The following TMEM132D variants were observed in gnomAD, a reference collection of about 807,000 sequenced individuals.
TMEM132D encodes transmembrane protein 132D, also known as mature OL transmembrane protein.
TMEM132D carries 21 observed loss-of-function variants against 62.3 expected under a neutral mutation model. The observed-to-expected ratio is 0.34, with a 90% CI of 0.24 to 0.49. TMEM132D has a LOEUF of 0.49. Among genes scored for constraint, TMEM132D ranks in the 20% least tolerant of loss-of-function variants. TMEM132D has a pLI of 0.99. For synonymous variants in TMEM132D, 621 were observed against 575.6 expected (o/e 1.08, Z -1.13); for missense variants, 1,346 against 1,402.8 (o/e 0.96, Z 0.65).
intron 1 of TMEM132D, among the ~76,000 whole-genome samples, chr12:129,850,264 G>C (rs1414355821): frequency 1.3e-5 from 2 of 152,100 alleles, no homozygotes; most frequent in African/African-American, 4.8e-5. Context: ...AAGGAGCTAG[G>C]GGAGTTCTTC....
chr12:129,491,953 A>AAAAAT (rs879262670), intron 3 of TMEM132D, among the ~76,000 whole-genome samples: 4 of 151,562 alleles, frequency 2.6e-5, no homozygotes, highest in African/African-American at 9.7e-5. Context: ...AAAAAAAAAA[A>AAAAAT]TTGCTTATTG....
intron 5 of TMEM132D, among the ~76,000 whole-genome samples, chr12:129,094,990 C>G (rs1875052832): frequency 7.2e-6 from 1 of 138,498 alleles, no homozygotes; most frequent in Non-Finnish European, 1.5e-5. Flanking sequence ...AATGAGAACA[C>G]ATGGACACAG....
chr12:129,760,333 T>TC (rs970968543), intron 1 of TMEM132D, among the ~76,000 whole-genome samples: 1 of 22,500 alleles, frequency 4.4e-5, no homozygotes, highest in African/African-American at 7.6e-5. Flanking sequence ...CTTTTTTTTT[T>TC]TTTTTTTTTT....
At chr12:129,408,754 G>C (rs927981150) in intron 3 of TMEM132D, among the ~76,000 whole-genome samples, 1 of 152,078 alleles carries the variant, frequency 6.6e-6, no homozygotes, top group African/African-American at 2.4e-5. Context: ...ATCTGTGTTT[G>C]CATATACACT....
intron 2 of TMEM132D, among the ~76,000 whole-genome samples, chr12:129,666,389 A>G (rs1224977189): frequency 9.0e-6 from 1 of 110,794 alleles, no homozygotes; most frequent in Admixed American, 1.1e-4. Context: ...TAAATCAAGT[A>G]TTTTGTCAGA....
intron 2 of TMEM132D, among the ~76,000 whole-genome samples, chr12:129,565,512 CA>C (rs1340320772): frequency 1.3e-5 from 2 of 152,310 alleles, no homozygotes; most frequent in Middle Eastern, 6.8e-3. Context: ...GAGGCAGGTG[CA>C]AGCCCCTCTT....
intron 4 of TMEM132D, among the ~76,000 whole-genome samples, chr12:129,257,924 C>T (rs1461335612): frequency 6.6e-6 from 1 of 152,172 alleles, no homozygotes; most frequent in Non-Finnish European, 1.5e-5. Flanking sequence ...CCGGACAGTA[C>T]CACTGCATGT....
chr12:129,349,766 T>C (rs1869808015), intron 3 of TMEM132D, among the ~76,000 whole-genome samples: 1 of 152,242 alleles, frequency 6.6e-6, no homozygotes, highest in Admixed American at 6.5e-5. Context: ...ATCAAGGCTT[T>C]TCCTATCCGG....
intron 1 of TMEM132D, among the ~76,000 whole-genome samples, chr12:129,706,526 A>G (rs554795099): frequency 6.6e-6 from 1 of 152,140 alleles, no homozygotes; most frequent in African/African-American, 2.4e-5. Flanking sequence ...AGAAATTGAT[A>G]GTAACTAAAA....
At chr12:129,539,866 G>A (rs1424654013) in intron 2 of TMEM132D, among the ~76,000 whole-genome samples, 2 of 152,100 alleles carry the variant, frequency 1.3e-5, no homozygotes, top group Non-Finnish European at 2.9e-5. Context: ...CCAGAAACGG[G>A]CTAGCCACCT....
intron 5 of TMEM132D, among the ~76,000 whole-genome samples, chr12:129,086,201 C>CGCGCGCGT (rs1349816832): frequency 3.5e-5 from 5 of 141,134 alleles, no homozygotes; most frequent in African/African-American, 1.4e-4. Flanking sequence ...CACGCGCGCG[C>CGCGCGCGT]GTGTGTGTGT....
chr12:129,724,625 C>T (rs1360204888), intron 1 of TMEM132D, among the ~76,000 whole-genome samples: 1 of 152,132 alleles, frequency 6.6e-6, no homozygotes, highest in African/African-American at 2.4e-5. Context: ...CTGGTTCGAG[C>T]GATTCTCCTG....
intron 1 of TMEM132D, among the ~76,000 whole-genome samples, chr12:129,703,839 T>C (rs1357353204): frequency 6.6e-6 from 1 of 151,040 alleles, no homozygotes; most frequent in Non-Finnish European, 1.5e-5. Context: ...TTAAAAAATA[T>C]GGGAGGAAGG....
chr12:129,497,360 TG>T (rs1177130181), intron 3 of TMEM132D, among the ~76,000 whole-genome samples: 8 of 152,124 alleles, frequency 5.3e-5, no homozygotes, highest in African/African-American at 1.9e-4. Context: ...TGTATTCCTC[TG>T]AATTCCTTTG....
At chr12:129,348,058 G>A (rs1214050494) in intron 3 of TMEM132D, among the ~76,000 whole-genome samples, 2 of 152,144 alleles carry the variant, frequency 1.3e-5, no homozygotes, top group Non-Finnish European at 2.9e-5. Flanking sequence ...GGAAACAACA[G>A]GTGCTGGAGA....
intron 1 of TMEM132D, among the ~76,000 whole-genome samples, chr12:129,780,606 G>A (rs1321865277): frequency 6.6e-6 from 1 of 152,066 alleles, no homozygotes; most frequent in Non-Finnish European, 1.5e-5. Flanking sequence ...GCCTGGCTTT[G>A]AGGGCACTTG....
At chr12:129,834,718 C>T (rs1004833938) in intron 1 of TMEM132D, among the ~76,000 whole-genome samples, 6 of 152,160 alleles carry the variant, frequency 3.9e-5, no homozygotes, top group African/African-American at 7.2e-5. Flanking sequence ...ACAAATGGAA[C>T]CCCGTCCACA....
rs143518927 is a variant in TMEM132D at position 129,439,712 on chromosome 12, G to A, written c.1115+91347C>T. Among the ~76,000 whole-genome samples, 651 of 152,328 alleles carry A rather than the reference G, an allele frequency of 4.3e-3. 10 individuals carry two copies. Among genetic ancestry groups the A allele is most frequent in the African/African-American group, 0.015 (621 of 41,572 alleles). ...GATCCACCTGCCTCGGCCTCCCAAA[G>A]TGCTGGGATTACTACAGGCGTGAGC... On this transcript the variant is annotated intron_variant, in intron 3 of 8. Coordinates refer to ENST00000422113, the MANE Select transcript of TMEM132D (RefSeq NM_133448.3).
intron 7 of TMEM132D, among the ~76,000 whole-genome samples, chr12:129,080,917 CCAG>C (rs779245377): frequency 2.0e-5 from 3 of 152,116 alleles, no homozygotes; most frequent in Admixed American, 6.5e-5. Context: ...CACCCGCTCC[CCAG>C]CAGAAGGGGC....
Sources: gnomAD v4.1 joint callset for allele counts (sites outside exome capture counted in the v4.1 genomes callset) on GRCh38, gnomAD v4.1.1 for gene constraint, MANE v1.5 for transcripts, NCBI Gene and HGNC (gene_info 2026-07-23, HGNC 2026-07-21) for gene names.